MTMR7: variants seen among roughly 807,000 people sequenced by gnomAD.
MTMR7 encodes the protein myotubularin related protein 7.
MTMR7 carries 76 observed loss-of-function variants against 81.2 expected under a neutral mutation model. The ratio of observed to expected loss-of-function variants is 0.94; its 90% CI spans 0.78 to 1.13. The LOEUF is 1.13. MTMR7 is among the 50% of genes most tolerant of loss of function. The pLI is 0.00. For synonymous variants in MTMR7, 372 were observed against 289.8 expected, an observed-to-expected ratio of 1.28 and a Z score of -2.88; for missense variants, 1,044 against 820.0, an observed-to-expected ratio of 1.27 and a Z score of -3.34.
Position 17,361,113 on chromosome 8 carries a change from T to G in MTMR7, c.468+4A>C, listed in dbSNP as rs757512845. 1 of 1,614,078 alleles carries G rather than the reference T, an allele frequency of 6.2e-7. No individual in the cohort carries two copies. The highest frequency in any genetic ancestry group is 8.5e-7 in the Non-Finnish European group (1 of 1,179,974). On this transcript the variant is annotated splice_donor_region_variant and intron_variant, in intron 4 of 13. Transcript: ENST00000180173. ...GCTTCAGTGTTTGGGTTTCACGCAC[T>G]CACTCTGTAGTCTCTATTCACATCG...
intron 6 of MTMR7, among the ~76,000 whole-genome samples, chr8:17,332,340 C>A (rs1334654080): frequency 6.6e-6 from 1 of 152,076 alleles, no homozygotes; most frequent in Admixed American, 6.5e-5. Flanking sequence ...AAAAGTCTGA[C>A]AAAATTAAAA....
At chr8:17,312,068 G>A (rs1333013547) in intron 8 of MTMR7, among the ~76,000 whole-genome samples, 2 of 152,244 alleles carry the variant, frequency 1.3e-5, no homozygotes, top group Admixed American at 6.5e-5. Context: ...AAAGGTAAGC[G>A]TCAAGTAATG....
chr8:17,359,985 T>C (rs1210137456), intron 4 of MTMR7, among the ~76,000 whole-genome samples: 1 of 152,178 alleles, frequency 6.6e-6, no homozygotes, highest in Non-Finnish European at 1.5e-5. Context: ...GGCAAAGGTA[T>C]AGTTACCAGG....
At chr8:17,328,167 A>T (rs754632323) in intron 7 of MTMR7, among the ~76,000 whole-genome samples, 9 of 152,326 alleles carry the variant, frequency 5.9e-5, no homozygotes, top group Non-Finnish European at 1.2e-4. Flanking sequence ...TGATTGGCAG[A>T]GGAGGAAGAT....
intron 1 of MTMR7, among the ~76,000 whole-genome samples, chr8:17,397,399 C>T (rs375769294): frequency 1.6e-4 from 25 of 152,216 alleles, no homozygotes; most frequent in Middle Eastern, 3.4e-3. Context: ...ACTGAAGAGC[C>T]CTTGGGCTTT....
intron 7 of MTMR7, among the ~76,000 whole-genome samples, chr8:17,330,800 G>C (rs895245961): frequency 6.6e-6 from 1 of 152,168 alleles, no homozygotes; most frequent in African/African-American, 2.4e-5. Flanking sequence ...TACAAGAATG[G>C]TTGGTTATTG....
chr8:17,367,106 G>C (rs1820251298), intron 3 of MTMR7, among the ~76,000 whole-genome samples: 1 of 152,216 alleles, frequency 6.6e-6, no homozygotes, highest in South Asian at 2.1e-4. Context: ...CCACTGCAAA[G>C]ATTGCTTAAA....
Position 17,413,264 on chromosome 8 carries a change from C to A in MTMR7, c.24+5G>T, listed in dbSNP as rs774391588. Reference sequence around the variant, plus strand: ...CCCTCCTCCGCCCGCGCTGGTGTCACCAACCTTGGGCGTACGGATGTGCTC... The same window carrying A: ...CCCTCCTCCGCCCGCGCTGGTGTCAACAACCTTGGGCGTACGGATGTGCTC... On this transcript the variant is annotated splice_donor_5th_base_variant and intron_variant, in intron 1 of 13. Coordinates refer to ENST00000180173, the MANE Select transcript of MTMR7 (RefSeq NM_004686.5). The A allele has an allele frequency of 6.5e-7, 1 of 1,548,344 alleles. No homozygotes were observed. Among genetic ancestry groups the A allele is most frequent in the Non-Finnish European group, 8.7e-7 (1 of 1,145,110 alleles).
chr8:17,310,069 T>C (rs1817697980), intron 9 of MTMR7, among the ~76,000 whole-genome samples: 1 of 152,164 alleles, frequency 6.6e-6, no homozygotes, highest in African/African-American at 2.4e-5. Context: ...GATGAGATCA[T>C]GGCTCACTAC....
In MTMR7 at chr8:17,297,156, G is replaced by GAGAT. The variant is rs1415145196; in HGVS notation, c.*2702_*2705dup. On this transcript the variant is annotated 3_prime_UTR_variant, in exon 14 of 14. Transcript: ENST00000180173. ...AGTTTGTATTCTGATTTTACAAGAT[G>GAGAT]AGATAGAAATCAGAATTAAAGAGGA... 5.3e-5 allele frequency: 8 copies of GAGAT among 152,282 alleles called. No homozygotes were observed. The East Asian group carries it at 5.8e-4, about 11-fold the overall frequency. 9.4% of individuals were successfully genotyped at this position (152,282 alleles called of 1,614,324 possible).
intron 7 of MTMR7, among the ~76,000 whole-genome samples, chr8:17,324,461 T>C (rs1162252464): frequency 6.6e-6 from 1 of 152,208 alleles, no homozygotes; most frequent in African/African-American, 2.4e-5. Flanking sequence ...CTGGAATCCA[T>C]TCCACCGCAC....
At chr8:17,328,691 T>TG (rs1204279538) in intron 7 of MTMR7, among the ~76,000 whole-genome samples, 5 of 152,046 alleles carry the variant, frequency 3.3e-5, no homozygotes, top group African/African-American at 1.2e-4. Context: ...ATGTACATCC[T>TG]GCACATACCC....
intron 13 of MTMR7, 155 bp downstream of exon 13, chr8:17,301,999 C>A: frequency 1.0e-6 from 1 of 954,906 alleles, no homozygotes; most frequent in Admixed American, 2.6e-5. Context: ...CTTCGGTTAT[C>A]TGAGTCCTGA....
chr8:17,410,051 C>T (rs1821695544), intron 1 of MTMR7, among the ~76,000 whole-genome samples: 1 of 152,042 alleles, frequency 6.6e-6, no homozygotes, highest in African/African-American at 2.4e-5. Flanking sequence ...AGGGAAGCCA[C>T]CTAGGAAACT....
At position 17,413,315 on chromosome 8, in the gene MTMR7, C is replaced by A. The variant is rs1222780945; in HGVS notation, c.-23G>T. On this transcript the variant is annotated 5_prime_UTR_variant, in exon 1 of 14. Coordinates refer to ENST00000180173, the MANE Select transcript of MTMR7 (RefSeq NM_004686.5). Reference sequence around the variant, plus strand: ...CATGGCTGGCCCACGTCTGCAGGGTCCCGGGCGGGCGCGGCCTCACGCACC... The same window carrying A: ...CATGGCTGGCCCACGTCTGCAGGGTACCGGGCGGGCGCGGCCTCACGCACC... 6.5e-7 allele frequency: 1 copy of A among 1,530,136 alleles called. No homozygotes were observed. The highest frequency in any genetic ancestry group is 2.7e-5 in the East Asian group (1 of 37,496). The allele number at this position is 1,530,136 out of a possible 1,614,324, so 94.8% of individuals were successfully genotyped here.
chr8:17,323,148 A>G (rs1263378099), intron 7 of MTMR7, among the ~76,000 whole-genome samples: 1 of 151,538 alleles, frequency 6.6e-6, no homozygotes. Flanking sequence ...GGGTTTCACC[A>G]TGTCGGACAG....
At chr8:17,302,526 T>A (rs1039490749) in intron 12 of MTMR7, 1 of 359,570 alleles carries the variant, frequency 2.8e-6, no homozygotes. Context: ...TAGCACAGAA[T>A]ACATTTTTCT....
At chr8:17,407,108 T>C (rs945901372) in intron 1 of MTMR7, among the ~76,000 whole-genome samples, 1 of 152,134 alleles carries the variant, frequency 6.6e-6, no homozygotes, top group Non-Finnish European at 1.5e-5. Flanking sequence ...GTAAATTTTA[T>C]GCTAGGTAAA....
rs769801809 is a variant in MTMR7 at position 17,371,095 on chromosome 8, T to G, written c.252A>C (p.Ile84=). 3.1e-6 allele frequency: 5 copies of G among 1,614,186 alleles called. No homozygotes were observed. In the Admixed American group the frequency reaches 8.3e-5, roughly 27 times the overall value. Residue 84 remains isoleucine, a synonymous_variant, in exon 3 of 14, where the codon ATA becomes ATC. Coordinates refer to ENST00000180173, the MANE Select transcript of MTMR7 (RefSeq NM_004686.5). ...CGTCGTGGCAATCTCTTTCCTGAGG[T>G]ATGATGAGCTGTATTATCTGAAAGT... ...CKNFQIIQLI[I]PQERDCHDVY...
Sources: gnomAD v4.1 joint callset for allele counts (sites outside exome capture counted in the v4.1 genomes callset) on GRCh38, gnomAD v4.1.1 for gene constraint, MANE v1.5 for transcripts, NCBI Gene and HGNC (gene_info 2026-07-23, HGNC 2026-07-21) for gene names.